The following TRIP10 variants were observed in gnomAD, a reference collection of about 807,000 sequenced individuals.
The protein encoded by TRIP10 is thyroid hormone receptor interactor 10.
A neutral mutation model predicts 80.9 loss-of-function variants in TRIP10; 54 were observed. The ratio of observed to expected loss-of-function variants is 0.67; its 90% CI spans 0.54 to 0.84. The LOEUF (loss-of-function observed/expected upper bound fraction) is 0.84. TRIP10 is among the 40% of genes least tolerant of loss of function. The pLI is 0.00. For synonymous variants in TRIP10, 321 were observed against 307.2 expected (o/e 1.04, Z -0.47); for missense variants, 773 against 815.3 (o/e 0.95, Z 0.63).
chr19:6,750,375 C>T lies in TRIP10; in HGVS notation c.1479C>T (p.Pro493=), dbSNP rs75725110. Reference sequence around the variant, plus strand: ...GGCACGCCCGGCCTCCCGACCCCCCCGCTAGCGCCCCGCCAGACAGCAGCA... The same window carrying T: ...GGCACGCCCGGCCTCCCGACCCCCCTGCTAGCGCCCCGCCAGACAGCAGCA... ...LSRHARPPDP[P]ASAPPDSSSN... The change falls in exon 13 of 15, where the codon CCC becomes CCT. Residue 493 remains proline, a synonymous_variant. Coordinates refer to ENST00000313244, the MANE Select transcript of TRIP10 (RefSeq NM_001288962.2). 2.6e-3 allele frequency: 4,198 copies of T among 1,614,006 alleles called. 96 individuals are homozygous for T. The African/African-American group carries it at 0.046, about 18-fold the overall frequency.
chr19:6,750,463 C>G, intron 13 of TRIP10, 32 bp downstream of exon 13: 2 of 1,613,892 alleles, frequency 1.2e-6, no homozygotes, highest in Non-Finnish European at 1.7e-6. Flanking sequence ...GGTCTGTTCC[C>G]AGGGTCCCAG....
Position 6,745,194 on chromosome 19 carries a change from G to A in TRIP10, c.984+200G>A. On this transcript the variant is annotated intron_variant, in intron 9 of 14. Transcript: ENST00000313244. This position sits in a 1 kb window ranked among gnomAD's most constrained non-coding sequence, Gnocchi z 7.2. ...CCGAGGCGAAGGCGGGGGCAGGGTG[G>A]GGAGGTGGGGAGGTCCGTGGCGTTT... The A allele has an allele frequency of 1.5e-6, 1 of 682,014 alleles. No individual in the cohort carries two copies. Among genetic ancestry groups the A allele is most frequent in the Non-Finnish European group, 2.4e-6 (1 of 422,686 alleles). 42.2% of individuals were successfully genotyped at this position (682,014 alleles called of 1,614,324 possible). A position where few individuals can be genotyped will look rare whatever the true frequency, so the allele number is the denominator to read the frequency against.
Position 6,739,757 on chromosome 19 carries a change from G to A in TRIP10, c.-5G>A, listed in dbSNP as rs374257227. ...GGTGGCTGCGGCGGCGGCGGCGGGAGCAGCATGGATTGGGGCACTGAGCTG... is the reference window on the plus strand; with the variant it reads ...GGTGGCTGCGGCGGCGGCGGCGGGAACAGCATGGATTGGGGCACTGAGCTG... On this transcript the variant is annotated 5_prime_UTR_variant, in exon 1 of 15. Transcript: ENST00000313244. 10 of 1,426,760 alleles carry A rather than the reference G, an allele frequency of 7.0e-6. No individual in the cohort carries two copies. The highest frequency in any genetic ancestry group is 9.2e-6 in the Non-Finnish European group (10 of 1,083,382). The allele number at this position is 1,426,760 out of a possible 1,614,324, so 88.4% of individuals were successfully genotyped here.
rs1190300890 is a variant in TRIP10, at chr19:6,751,172, C to G, written c.1767C>G (p.Gly589=). The part of the protein sequence containing the change: ...TRVRRKEGGE[G]YVPTSYLRVT... Reference sequence around the variant, plus strand: ...TCAGGCGGAAAGAGGGAGGCGAGGGCTACGTGCCCACCTCCTACCTCCGAG... The same window carrying G: ...TCAGGCGGAAAGAGGGAGGCGAGGGGTACGTGCCCACCTCCTACCTCCGAG... The change falls in exon 15 of 15, where the codon GGC becomes GGG. Residue 589 remains glycine (G), a synonymous_variant. Coordinates refer to ENST00000313244, the MANE Select transcript of TRIP10 (RefSeq NM_001288962.2). 1 of 1,613,816 alleles carries G rather than the reference C, an allele frequency of 6.2e-7. No homozygotes were observed. The highest frequency in any genetic ancestry group is 8.5e-7 in the Non-Finnish European group (1 of 1,179,938).
At position 6,746,056 on chromosome 19, in the gene TRIP10, G is replaced by A. The variant is rs970376499; in HGVS notation, c.1012G>A (p.Gly338Arg). 7.5e-6 allele frequency: 10 copies of A among 1,326,288 alleles called. No homozygotes were observed. In the Admixed American group the frequency reaches 1.2e-4, roughly 15 times the overall value. 82.2% of individuals were successfully genotyped at this position (1,326,288 alleles called of 1,614,324 possible). A position where few individuals can be genotyped will look rare whatever the true frequency, so the allele number is the denominator to read the frequency against. Residue 338 changes from glycine (G) to arginine (R), a missense_variant, in exon 10 of 15, where the codon GGG becomes AGG. Coordinates refer to ENST00000313244, the MANE Select transcript of TRIP10 (RefSeq NM_001288962.2). This position sits in a 1 kb window ranked among gnomAD's most constrained non-coding sequence, Gnocchi z 6.2. ...KPRPPPLSPL[G>R]GPVPSALPNG... The stretch of plus-strand genomic sequence containing the variant: ...TCGCCCCCCACCCCTCTCCCCCCTG[G>A]GGGGCCCCGTACCCTCGGCATTGCC...
At chr19:6,741,150 G>C (rs1436439187) in intron 2 of TRIP10, 25 bp downstream of exon 2, 13 of 1,613,908 alleles carry the variant, frequency 8.1e-6, no homozygotes, top group Middle Eastern at 1.6e-4. Flanking sequence ...TGGACGCTAC[G>C]GAGGACGCGC....
intron 14 of TRIP10, 35 bp downstream of exon 14, chr19:6,750,668 G>A (rs1163268580): frequency 1.2e-6 from 2 of 1,611,308 alleles, no homozygotes; most frequent in Admixed American, 1.7e-5. Flanking sequence ...GCGGGGTATG[G>A]GAGGCAGTGT....
chr19:6,741,168 G>C, intron 2 of TRIP10, 43 bp downstream of exon 2: 2 of 1,613,758 alleles, frequency 1.2e-6, no homozygotes, highest in Non-Finnish European at 8.5e-7. Flanking sequence ...CGCCTGGGGC[G>C]ACGGGGAGCG....
Position 6,744,155 on chromosome 19 carries a change from CTACT to C in TRIP10, c.642+322_642+325del, listed in dbSNP as rs2094298640. 6.6e-6 allele frequency among the ~76,000 whole-genome samples: 1 copy of C among 152,162 alleles called. No homozygotes were observed. ...TGACCTTTCTTTCTTTTTGAAATTC[CTACT>C]TATTCTTCTAAGCTCCACCTCTAAC... On this transcript the variant is annotated intron_variant, in intron 7 of 14. Coordinates refer to ENST00000313244, the MANE Select transcript of TRIP10 (RefSeq NM_001288962.2). The surrounding 1 kb of genome is among the most constrained non-coding windows in gnomAD (Gnocchi z 4.9).
intron 5 of TRIP10, 55 bp downstream of exon 5, chr19:6,743,311 C>T (rs776676222): frequency 5.2e-5 from 83 of 1,601,988 alleles, no homozygotes; most frequent in Middle Eastern, 2.1e-4. Flanking sequence ...GGCAGGGTTG[C>T]GGATCCGGAG....
chr19:6,740,447 T>A (rs1306994416), intron 1 of TRIP10, among the ~76,000 whole-genome samples: 1 of 152,210 alleles, frequency 6.6e-6, no homozygotes, highest in Non-Finnish European at 1.5e-5. Flanking sequence ...GTGGAATCCC[T>A]GAGTTCTTAG....
chr19:6,750,354 C>T lies in TRIP10; in HGVS notation c.1458C>T (p.His486=), dbSNP rs767768697. ...ACCGGGGAGACAGCCTGAGCCGGCA[C>T]GCCCGGCCTCCCGACCCCCCCGCTA... The part of the protein sequence containing the change: ...LSNRGDSLSR[H]ARPPDPPASA... The change falls in exon 13 of 15, where the codon CAC becomes CAT. Residue 486 remains histidine (H), a synonymous_variant. Coordinates refer to ENST00000313244, the MANE Select transcript of TRIP10 (RefSeq NM_001288962.2). 48 of 1,613,928 alleles carry T rather than the reference C, an allele frequency of 3.0e-5. 1 individual carries two copies. The highest frequency in any genetic ancestry group is 2.7e-4 in the East Asian group (12 of 44,882).
Position 6,745,505 on chromosome 19 carries a change from T to C in TRIP10, c.984+511T>C. 6 of 932,786 alleles carry C rather than the reference T, an allele frequency of 6.4e-6. No individual in the cohort carries two copies. The highest frequency in any genetic ancestry group is 7.7e-6 in the Non-Finnish European group (6 of 781,986). The allele number at this position is 932,786 out of a possible 1,614,324, so 57.8% of individuals were successfully genotyped here. A position where few individuals can be genotyped will look rare whatever the true frequency, so the allele number is the denominator to read the frequency against. Reference sequence around the variant, plus strand: ...GTGATCCCCGAGCTTAAACTTCTGATGCCCCTAACCCCTCTCATTTTCCTG... The same window carrying C: ...GTGATCCCCGAGCTTAAACTTCTGACGCCCCTAACCCCTCTCATTTTCCTG... On this transcript the variant is annotated intron_variant, in intron 9 of 14. Transcript: ENST00000313244. The surrounding 1 kb of genome is among the most constrained non-coding windows in gnomAD (Gnocchi z 7.2).
intron 1 of TRIP10, 56 bp downstream of exon 1, chr19:6,739,841 C>A: frequency 7.1e-7 from 1 of 1,399,288 alleles, no homozygotes; most frequent in South Asian, 1.9e-5. Flanking sequence ...AGGCACCCCC[C>A]TTTTGTCCCC....
In TRIP10 at chr19:6,751,085, T is replaced by C; in HGVS notation, c.1680T>C (p.Ser560=). 1 of 1,587,596 alleles carries C rather than the reference T, an allele frequency of 6.3e-7. No individual in the cohort carries two copies. Among genetic ancestry groups the C allele is most frequent in the Non-Finnish European group, 8.6e-7 (1 of 1,163,476 alleles). Residue 560 remains serine, a synonymous_variant, in exon 15 of 15, where the codon TCT becomes TCC. Coordinates refer to ENST00000313244, the MANE Select transcript of TRIP10 (RefSeq NM_001288962.2). Reference sequence around the variant, plus strand: ...CAGGGTCCAGCGAGGGCACTATCTCTATGGCCGAGGGTGAAGACCTCAGTC... The same window carrying C: ...CAGGGTCCAGCGAGGGCACTATCTCCATGGCCGAGGGTGAAGACCTCAGTC... ...HFEGSSEGTI[S]MAEGEDLSLM...
rs1431898870 is a variant in TRIP10 at position 6,750,312 on chromosome 19, A to G, written c.1416A>G (p.Glu472=). 6.2e-7 allele frequency: 1 copy of G among 1,614,080 alleles called. No individual in the cohort carries two copies. Among genetic ancestry groups the G allele is most frequent in the African/African-American group, 1.3e-5 (1 of 75,044 alleles). Residue 472 remains glutamate (E), a synonymous_variant, in exon 13 of 15, where the codon GAA becomes GAG. Coordinates refer to ENST00000313244, the MANE Select transcript of TRIP10 (RefSeq NM_001288962.2). Reference sequence around the variant, plus strand: ...CCCAGGCGTGGCTGGCAGAAGCTGAAAGTCGAGTCCTTAGCAACCGGGGAG... The same window carrying G: ...CCCAGGCGTGGCTGGCAGAAGCTGAGAGTCGAGTCCTTAGCAACCGGGGAG... The part of the protein sequence containing the change: ...QKYEAWLAEA[E]SRVLSNRGDS...
rs140822183 is a variant in TRIP10, at chr19:6,749,995, A to G, written c.1324A>G (p.Ser442Gly). ...EKTPQMGDPA[S>G]LEPQIAETLS... ...GACACCTCAGATGGGGGACCCCGCC[A>G]GCTTGGAGCCCCAGATCGCTGAAAC... The change falls in exon 12 of 15, where the codon AGC becomes GGC. Residue 442 changes from serine to glycine, a missense_variant. By Grantham distance (56) the Ser-to-Gly change is moderately conservative (BLOSUM62 0). Coordinates refer to ENST00000313244, the MANE Select transcript of TRIP10 (RefSeq NM_001288962.2). 489 of 1,614,048 alleles carry G rather than the reference A, an allele frequency of 3.0e-4. No individual in the cohort carries two copies. Among genetic ancestry groups the G allele is most frequent in the Non-Finnish European group, 4.0e-4 (471 of 1,180,036 alleles).
Position 6,743,604 on chromosome 19 carries a change from T to TGTGGCG in TRIP10, c.513+8_513+13dup. On this transcript the variant is annotated splice_region_variant and intron_variant, in intron 6 of 14. Coordinates refer to ENST00000313244, the MANE Select transcript of TRIP10 (RefSeq NM_001288962.2). Reference sequence around the variant, plus strand: ...CCAAGGCTGATGTGGAGAAGGTGTGTGTGGCGGGGGCGGGGGGGGGGTGCG... The same window carrying TGTGGCG: ...CCAAGGCTGATGTGGAGAAGGTGTGTGTGGCGGTGGCGGGGGCGGGGGGGGGGTGCG... 3 of 654,688 alleles carry TGTGGCG rather than the reference T, an allele frequency of 4.6e-6. No homozygotes were observed. Among genetic ancestry groups the TGTGGCG allele is most frequent in the Non-Finnish European group, 6.9e-6 (3 of 434,422 alleles). The allele number at this position is 654,688 out of a possible 1,614,324, so 40.6% of individuals were successfully genotyped here.
chr19:6,741,456 T>C (rs571696992), intron 3 of TRIP10, among the ~76,000 whole-genome samples, 175 bp downstream of exon 3: 13 of 152,278 alleles, frequency 8.5e-5, no homozygotes, highest in African/African-American at 3.1e-4. Flanking sequence ...TCCACTACTA[T>C]GTAGAGAAAT....
Sources: gnomAD v4.1 joint callset for allele counts (sites outside exome capture counted in the v4.1 genomes callset) on GRCh38, gnomAD v4.1.1 for gene constraint, Gnocchi (gnomAD v3.1) non-coding constraint, MANE v1.5 for transcripts, NCBI Gene and HGNC (gene_info 2026-07-23, HGNC 2026-07-21) for gene names.